The following RPGRIP1 variants were observed in gnomAD, a reference collection of about 807,000 sequenced individuals.
RPGRIP1 encodes the protein X-linked retinitis pigmentosa GTPase regulator-interacting protein 1.
RPGRIP1 carries 128 observed loss-of-function variants against 157.9 expected under a neutral mutation model. The ratio of observed to expected loss-of-function variants is 0.81; its 90% confidence interval spans 0.70 to 0.94. RPGRIP1 has a LOEUF of 0.94. Among genes scored for constraint, RPGRIP1 ranks in the 40% least tolerant of loss-of-function variants. The probability of loss-of-function intolerance (pLI) is 0.00; values close to 1 mark genes in which losing one functional copy is unlikely to be tolerated. For missense variants in RPGRIP1, 1,486 were observed against 1,545.8 expected (o/e 0.96, Z 0.65); for synonymous variants, 554 against 571.6 (o/e 0.97, Z 0.44).
intron 3 of RPGRIP1, among the ~76,000 whole-genome samples, chr14:21,297,834 A>ATTCTTTCTTTCTTTCT (rs55920234): frequency 0.17 from 23,231 of 132,792 alleles, 2,484 homozygotes; most frequent in African/African-American, 0.23. Context: ...TCAATAAATT[A>ATTCTTTCTTTCTTTCT]TTCTTTCTTT....
intron 8 of RPGRIP1, 21 bp downstream of exon 8, chr14:21,310,628 C>A (rs1485532046): frequency 2.1e-6 from 3 of 1,426,718 alleles, no homozygotes; most frequent in Admixed American, 2.3e-5. Context: ...AGAATTGAGT[C>A]TCTGTTTCTT....
At position 21,302,517 on chromosome 14, in the gene RPGRIP1, C is replaced by T; in HGVS notation, c.520C>T (p.Pro174Ser). The change falls in exon 5 of 25, where the codon CCT becomes TCT. Residue 174 changes from proline (P) to serine (S), a missense_variant. Coordinates refer to ENST00000400017, the MANE Select transcript of RPGRIP1 (RefSeq NM_020366.4). The stretch of plus-strand genomic sequence containing the variant: ...AAGGGACAGGCTGAGCTACACAGCC[C>T]CTCCATCGTTTAAGGAGCATGCGAC... Reference protein sequence around the residue: ...GPRDRLSYTAPPSFKEHATNE... With the variant: ...GPRDRLSYTASPSFKEHATNE... 1 of 1,585,394 alleles carries T rather than the reference C, an allele frequency of 6.3e-7. No individual in the cohort carries two copies. Among genetic ancestry groups the T allele is most frequent in the South Asian group, 1.2e-5 (1 of 85,676 alleles).
intron 11 of RPGRIP1, 27 bp downstream of exon 11, chr14:21,317,877 C>A (rs1489866294): frequency 6.4e-7 from 1 of 1,573,656 alleles, no homozygotes; most frequent in South Asian, 1.2e-5. Flanking sequence ...AGAGCTCTCT[C>A]AAATGTGGCA....
chr14:21,299,269 T>C (rs1158487119), intron 3 of RPGRIP1, among the ~76,000 whole-genome samples: 1 of 151,924 alleles, frequency 6.6e-6, no homozygotes, highest in Non-Finnish European at 1.5e-5. Flanking sequence ...GGCAAAGTGC[T>C]AGGATTACAG....
rs1295856534 is a variant in RPGRIP1 at position 21,311,845 on chromosome 14, G to T, written c.952G>T (p.Ala318Ser). The change falls in exon 9 of 25, where the codon GCC becomes TCC. Residue 318 changes from alanine to serine, a missense_variant. Ala to Ser is a moderately conservative substitution (Grantham distance 99). Transcript: ENST00000400017. ...LQKNQGILSA[A>S]HEALLKQVNE... ...CCAGAATCAGGGAATCCTGAGTGCAGCCCATGAGGCCCTCCTCAAGCAAGT... is the reference window on the plus strand; with the variant it reads ...CCAGAATCAGGGAATCCTGAGTGCATCCCATGAGGCCCTCCTCAAGCAAGT... The T allele has an allele frequency of 2.5e-6, 4 of 1,608,708 alleles. 1 individual carries two copies. In the South Asian group the frequency reaches 4.5e-5, roughly 18 times the overall value.
At chr14:21,301,919 G>A (rs759338567) in intron 4 of RPGRIP1, among the ~76,000 whole-genome samples, 7 of 151,688 alleles carry the variant, frequency 4.6e-5, no homozygotes, top group Non-Finnish European at 8.8e-5. Flanking sequence ...AAAACTCAAC[G>A]TTGAATCTCT....
Position 21,325,847 on chromosome 14 carries a change from G to A in RPGRIP1, c.2384G>A (p.Trp795Ter). 1 of 1,612,818 alleles carries A rather than the reference G, an allele frequency of 6.2e-7. No homozygotes were observed. The highest frequency in any genetic ancestry group is 8.5e-7 in the Non-Finnish European group (1 of 1,178,964). Reference sequence around the variant, plus strand: ...TCTTTCCAGTTCAGATCGGAGTCTTGGGAACCTCAGAACGAGCTGTGGATT... The same window carrying A: ...TCTTTCCAGTTCAGATCGGAGTCTTAGGAACCTCAGAACGAGCTGTGGATT... Reference protein sequence around the residue: ...AQEEEFRSESWEPQNELWIEI... With the variant: ...AQEEEFRSES The change falls in exon 17 of 25, where the codon TGG becomes TAG. Residue 795 changes from tryptophan to a stop codon, truncating the protein, a stop_gained. Coordinates refer to ENST00000400017, the MANE Select transcript of RPGRIP1 (RefSeq NM_020366.4). LOFTEE classifies it high-confidence loss of function.
At chr14:21,326,519 G>T (rs1437788826) in intron 17 of RPGRIP1, among the ~76,000 whole-genome samples, 1 of 151,996 alleles carries the variant, frequency 6.6e-6, no homozygotes, top group East Asian at 1.9e-4. Context: ...ACAGACATGC[G>T]CCACCACACC....
intron 1 of RPGRIP1, among the ~76,000 whole-genome samples, chr14:21,282,782 T>A (rs1880179182): frequency 6.6e-6 from 1 of 151,884 alleles, no homozygotes; most frequent in Non-Finnish European, 1.5e-5. Flanking sequence ...GCTAATTTTT[T>A]GTATTTTGTA....
At chr14:21,344,221 T>G (rs1266260857) in intron 22 of RPGRIP1, among the ~76,000 whole-genome samples, 1 of 152,146 alleles carries the variant, frequency 6.6e-6, no homozygotes, top group Non-Finnish European at 1.5e-5. Flanking sequence ...CAGAACCAAG[T>G]AGTATGCAAT....
At chr14:21,313,917 A>C (rs1881650652) in intron 10 of RPGRIP1, among the ~76,000 whole-genome samples, 1 of 151,548 alleles carries the variant, frequency 6.6e-6, no homozygotes, top group Admixed American at 6.6e-5. Context: ...GATTAGAATA[A>C]GGCAAAGGGG....
At chr14:21,284,397 A>G (rs1026078833) in intron 1 of RPGRIP1, among the ~76,000 whole-genome samples, 1 of 152,038 alleles carries the variant, frequency 6.6e-6, no homozygotes. Flanking sequence ...CTGGGAAACA[A>G]TCAGACTGGT....
intron 5 of RPGRIP1, chr14:21,303,016 T>G (rs1244693482): frequency 7.2e-6 from 2 of 277,132 alleles, no homozygotes; most frequent in Non-Finnish European, 1.4e-5. Flanking sequence ...ACTACAGGCA[T>G]GTGCCACCAT....
At chr14:21,338,517 C>A (rs1392816420) in intron 21 of RPGRIP1, among the ~76,000 whole-genome samples, 1 of 152,124 alleles carries the variant, frequency 6.6e-6, no homozygotes, top group Non-Finnish European at 1.5e-5. Context: ...ATATATATTT[C>A]AATGGTTAAT....
chr14:21,320,043 G>A lies in RPGRIP1; in HGVS notation c.1333G>A (p.Val445Ile), dbSNP rs1227603377. The change falls in exon 12 of 25, where the codon GTC becomes ATC. Residue 445 changes from valine (V) to isoleucine (I), a missense_variant. Transcript: ENST00000400017. Reference sequence around the variant, plus strand: ...CCAAAATGAGGATCTGAAGCTTGAAGTCACCAACATACTTCAGAAGCATAA... The same window carrying A: ...CCAAAATGAGGATCTGAAGCTTGAAATCACCAACATACTTCAGAAGCATAA... The part of the protein sequence containing the change: ...KAQNEDLKLE[V>I]TNILQKHKQE... The A allele has an allele frequency of 6.2e-7, 1 of 1,612,664 alleles. No individual in the cohort carries two copies. The highest frequency in any genetic ancestry group is 1.7e-5 in the Admixed American group (1 of 59,750).
chr14:21,328,290 A>G, intron 18 of RPGRIP1, 134 bp from the exon 19 acceptor site: 1 of 658,192 alleles, frequency 1.5e-6, no homozygotes, highest in South Asian at 2.2e-5. Context: ...TACTGCGGAA[A>G]AGAGAGAGAA....
In RPGRIP1 at chr14:21,303,330, G is replaced by T. The variant is rs1255647215; in HGVS notation, c.588-1G>T. 1 of 1,606,366 alleles carries T rather than the reference G, an allele frequency of 6.2e-7. No homozygotes were observed. The highest frequency in any genetic ancestry group is 1.7e-5 in the Admixed American group (1 of 59,268). ...TTTCTAAGTATCCTTTTTGTATTTA[G>T]TGTTTCTGGTTCTAACAGCATAATT... On this transcript the variant is annotated splice_acceptor_variant, in intron 5 of 24. Transcript: ENST00000400017. LOFTEE classifies it high-confidence loss of function.
intron 14 of RPGRIP1, 71 bp from the exon 15 acceptor site, chr14:21,324,547 G>T: frequency 7.9e-7 from 1 of 1,264,080 alleles, no homozygotes; most frequent in Non-Finnish European, 1.1e-6. Flanking sequence ...TATTTCTTTT[G>T]TCCACCCTCC....
rs971401810 is a variant in RPGRIP1, at chr14:21,314,552, G to A, written c.1151+2046G>A. Among the ~76,000 whole-genome samples, 6 of 151,176 alleles carry A rather than the reference G, an allele frequency of 4.0e-5. No individual in the cohort carries two copies. The South Asian group carries it at 6.3e-4, about 16-fold the overall frequency. On this transcript the variant is annotated intron_variant, in intron 10 of 24. Coordinates refer to ENST00000400017, the MANE Select transcript of RPGRIP1 (RefSeq NM_020366.4). ...GGATCGCTGGAGCTCAGGAGTTCAC[G>A]ACCAGCCTGGGCAACATGATGAAAC...
Sources: gnomAD v4.1 joint callset for allele counts (sites outside exome capture counted in the v4.1 genomes callset) on GRCh38, gnomAD v4.1.1 for gene constraint, MANE v1.5 for transcripts, NCBI Gene and HGNC (gene_info 2026-07-23, HGNC 2026-07-21) for gene names.